Variants in DACH2 observed in about 807,000 individuals in gnomAD.
DACH2 encodes the protein dachshund homolog 2.
A neutral mutation model predicts 35.8 loss-of-function variants in DACH2; 17 were observed. The ratio of observed to expected loss-of-function variants is 0.48; its 90% CI spans 0.33 to 0.71. DACH2 has a LOEUF of 0.71. Ranked by LOEUF, DACH2 falls within the 30% of genes least tolerant of loss-of-function variation. The pLI, the probability that DACH2 is intolerant of heterozygous loss-of-function variation, is 0.02. For synonymous variants in DACH2, 195 were observed against 177.3 expected, an observed-to-expected ratio of 1.10 and a Z score of -0.79; for missense variants, 469 against 472.7, an observed-to-expected ratio of 0.99 and a Z score of 0.07.
intron 6 of DACH2, among the ~76,000 whole-genome samples, chrX:86,723,272 T>G (rs762047959): frequency 9.0e-6 from 1 of 111,443 alleles, no homozygotes; most frequent in African/African-American, 3.2e-5. Context: ...TCATGTTGGT[T>G]TTTCATACTT....
intron 3 of DACH2, among the ~76,000 whole-genome samples, chrX:86,536,799 G>A (rs1357767949): frequency 8.9e-6 from 1 of 111,740 alleles, no homozygotes; most frequent in Non-Finnish European, 1.9e-5. Flanking sequence ...AACCACCTTG[G>A]GTGCATGTTC....
chrX:86,573,868 G>A (rs1400912486), intron 3 of DACH2, among the ~76,000 whole-genome samples: 1 of 111,217 alleles, frequency 9.0e-6, no homozygotes, highest in Admixed American at 9.6e-5. Context: ...TCTCAATACA[G>A]CCATACAATA....
intron 2 of DACH2, among the ~76,000 whole-genome samples, chrX:86,405,599 C>A (rs1227926235): frequency 1.8e-5 from 2 of 111,477 alleles, no homozygotes; most frequent in Admixed American, 1.9e-4. Context: ...CTCTCCAATT[C>A]TCTAGGAAGT....
At chrX:86,658,379 A>T (rs1413073976) in intron 4 of DACH2, among the ~76,000 whole-genome samples, 1 of 111,625 alleles carries the variant, frequency 9.0e-6, no homozygotes, top group Non-Finnish European at 1.9e-5. Flanking sequence ...ATGAAAATAG[A>T]GTCAGTATCA....
intron 4 of DACH2, among the ~76,000 whole-genome samples, chrX:86,671,546 T>C (rs2040764850): frequency 1.8e-5 from 2 of 111,307 alleles, no homozygotes; most frequent in South Asian, 7.7e-4. Context: ...CCTCCCCCTT[T>C]ACTCTGTTCC....
At chrX:86,399,004 T>C (rs1193886439) in intron 2 of DACH2, among the ~76,000 whole-genome samples, 1 of 111,402 alleles carries the variant, frequency 9.0e-6, no homozygotes, top group Non-Finnish European at 1.9e-5. Context: ...CTCCCATTAT[T>C]ATTGTGTGGG....
chrX:86,471,829 C>G (rs1308925132), intron 2 of DACH2, among the ~76,000 whole-genome samples: 3 of 111,440 alleles, frequency 2.7e-5, no homozygotes, highest in African/African-American at 9.7e-5. Flanking sequence ...GGTGACTGTA[C>G]TTAATAACCA....
At chrX:86,770,518 A>G (rs2041978510) in intron 7 of DACH2, among the ~76,000 whole-genome samples, 1 of 111,511 alleles carries the variant, frequency 9.0e-6, no homozygotes, top group Non-Finnish European at 1.9e-5. Context: ...GTCACCTCCA[A>G]ATTTTACATA....
At position 86,189,928 on chromosome X, in the gene DACH2, C is replaced by T. The variant is rs188834548; in HGVS notation, c.488+40820C>T. 5.1e-3 allele frequency among the ~76,000 whole-genome samples: 558 copies of T among 110,282 alleles called. 8 individuals carry two copies. Among genetic ancestry groups the T allele is most frequent in the Admixed American group, 0.042 (428 of 10,272 alleles). On this transcript the variant is annotated intron_variant, in intron 1 of 11. Coordinates refer to ENST00000373125, the MANE Select transcript of DACH2 (RefSeq NM_053281.3). ...TCTGTAATCCCAGCACTTTGGGAGG[C>T]TGAGGTGGGCAGATCACTTGAGGTC...
At chrX:86,413,074 C>T (rs1041638734) in intron 2 of DACH2, among the ~76,000 whole-genome samples, 2 of 111,445 alleles carry the variant, frequency 1.8e-5, no homozygotes, top group African/African-American at 6.5e-5. Flanking sequence ...ACCCCAGTAC[C>T]CCTAGAAATT....
chrX:86,531,621 G>C (rs2038721952), intron 3 of DACH2, among the ~76,000 whole-genome samples: 1 of 112,309 alleles, frequency 8.9e-6, no homozygotes, highest in South Asian at 3.6e-4. Flanking sequence ...TTCAGAGGAT[G>C]TATGGAAATG....
intron 2 of DACH2, among the ~76,000 whole-genome samples, chrX:86,384,013 G>T (rs915806736): frequency 9.0e-6 from 1 of 111,154 alleles, no homozygotes; most frequent in African/African-American, 3.3e-5. Context: ...GAAATTGGAG[G>T]ATACTTATCT....
chrX:86,376,834 C>G lies in DACH2; in HGVS notation c.499C>G (p.Gln167Glu), dbSNP rs1161189423. The G allele has an allele frequency of 2.1e-6, 2 of 969,780 alleles. No individual in the cohort carries two copies. Among genetic ancestry groups the G allele is most frequent in the South Asian group, 4.1e-5 (2 of 48,380 alleles). The allele number at this position is 969,780 out of a possible 1,213,427, so 79.9% of individuals were successfully genotyped here. A position where few individuals can be genotyped will look rare whatever the true frequency, so the allele number is the denominator to read the frequency against. The change falls in exon 2 of 12, where the codon CAA becomes GAA. Residue 167 changes from glutamine to glutamate, a missense_variant. Gln to Glu is a conservative substitution (Grantham distance 29). Around this residue, in one of 3 missense-constraint regions of DACH2, gnomAD observed 363 missense variants for 334.4 expected, o/e 1.09. Transcript: ENST00000373125. ...ACACTCTCCTTTTAGAAGGAAGAGG[C>G]AAATGACAAGAAAACAAGCTGTTAA... is the stretch of plus-strand genomic sequence containing the variant. ...TDCTNARRKR[Q>E]MTRKQAVNSS...
At chrX:86,409,329 C>G (rs1389432116) in intron 2 of DACH2, among the ~76,000 whole-genome samples, 6 of 111,224 alleles carry the variant, frequency 5.4e-5, no homozygotes, top group Non-Finnish European at 1.1e-4. Flanking sequence ...AGTGGCACTT[C>G]ATATTGATAC....
chrX:86,299,559 A>T (rs2034534601), intron 1 of DACH2, among the ~76,000 whole-genome samples: 1 of 112,104 alleles, frequency 8.9e-6, no homozygotes. Flanking sequence ...AATATTCAGG[A>T]CAATGGGGAG....
chrX:86,505,743 T>C (rs1250426653), intron 2 of DACH2, among the ~76,000 whole-genome samples: 2 of 112,051 alleles, frequency 1.8e-5, no homozygotes, highest in East Asian at 5.6e-4. Flanking sequence ...GTTTTATTTA[T>C]TTATCTTTCA....
rs771700402 is a variant in DACH2, at chrX:86,259,389, G to A, written c.488+110281G>A. ...AATTTACATATTAATTCCATGATTC[G>A]TTTATTCAATGATTTATGGGGATAT... On this transcript the variant is annotated intron_variant, in intron 1 of 11. Transcript: ENST00000373125. 4.9e-3 allele frequency among the ~76,000 whole-genome samples: 541 copies of A among 111,420 alleles called. 1 individual carries two copies. The highest frequency in any genetic ancestry group is 0.017 in the African/African-American group (518 of 30,740).
At chrX:86,456,067 T>A (rs2037469669) in intron 2 of DACH2, among the ~76,000 whole-genome samples, 2 of 112,235 alleles carry the variant, frequency 1.8e-5, no homozygotes, top group Admixed American at 1.9e-4. Flanking sequence ...CACCACTTCC[T>A]TGGCTGGGGC....
chrX:86,496,707 G>C (rs1446342853), intron 2 of DACH2, among the ~76,000 whole-genome samples: 1 of 110,203 alleles, frequency 9.1e-6, no homozygotes, highest in Non-Finnish European at 1.9e-5. Context: ...GCTATGGAAA[G>C]GTTTATTACT....
Sources: allele counts gnomAD v4.1 joint callset (sites outside exome capture counted in the v4.1 genomes callset), GRCh38; gene constraint gnomAD v4.1.1; regional missense constraint gnomAD v4.1.1; transcripts MANE v1.5; gene names NCBI Gene and HGNC (gene_info 2026-07-23, HGNC 2026-07-21).